Variants in TCIRG1 observed in about 807,000 individuals in gnomAD.
TCIRG1 encodes the protein V-type proton ATPase 116 kDa subunit a 3.
A neutral mutation model predicts 95.5 loss-of-function variants in TCIRG1; 86 were observed. The observed-to-expected ratio is 0.90, with a 90% CI of 0.76 to 1.08. The LOEUF (loss-of-function observed/expected upper bound fraction) is 1.08, where lower values mean the gene tolerates loss of function less well. Ranked by LOEUF, TCIRG1 falls within the 50% of genes least tolerant of loss-of-function variation. The probability of loss-of-function intolerance (pLI) is 0.00; values close to 1 mark genes in which losing one functional copy is unlikely to be tolerated. For missense variants in TCIRG1, 1,069 were observed against 1,140.2 expected (o/e 0.94, Z 0.90); for synonymous variants, 499 against 501.3 (o/e 1.00, Z 0.06).
intron 5 of TCIRG1, 138 bp downstream of exon 5, chr11:68,043,169 A>T: frequency 6.6e-7 from 1 of 1,519,332 alleles, no homozygotes; most frequent in Non-Finnish European, 8.8e-7. Flanking sequence ...CAGGCCCGGA[A>T]CTTCCCACAG....
At chr11:68,048,284 A>ATTTTCTT (rs750755871) in intron 13 of TCIRG1, 10 of 489,102 alleles carry the variant, frequency 2.0e-5, no homozygotes, top group South Asian at 4.5e-5. Flanking sequence ...TGTGGAAGTG[A>ATTTTCTT]TTTTCTTTTT....
chr11:68,048,172 A>G (rs534859304), intron 13 of TCIRG1, 200 bp downstream of exon 13: 2 of 649,354 alleles, frequency 3.1e-6, no homozygotes, highest in South Asian at 3.5e-5. Flanking sequence ...AGGCAAAGCG[A>G]GACCAGCCAG....
At chr11:68,044,681 G>C in intron 9 of TCIRG1, 2 of 590,260 alleles carry the variant, frequency 3.4e-6, no homozygotes, top group South Asian at 4.0e-5. Context: ...CACCCGCCGC[G>C]CACAGCAGGT....
Position 68,045,092 on chromosome 11 carries a change from G to A in TCIRG1, c.1155G>A (p.Glu385=), listed in dbSNP as rs1855412888. ...CCTACGGCGTGGGCCGCTACCAGGA[G>A]GTCAACCCCGGTGAGAGCCACGGCA... ...VDAYGVGRYQ[E]VNPAPYTIIT... Residue 385 remains glutamate, a synonymous_variant, in exon 10 of 20, where the codon GAG becomes GAA. Transcript: ENST00000265686. 2.5e-6 allele frequency: 4 copies of A among 1,601,328 alleles called. No homozygotes were observed. Among genetic ancestry groups the A allele is most frequent in the Non-Finnish European group, 3.4e-6 (4 of 1,179,956 alleles).
rs146209212 is a variant in TCIRG1 at position 68,050,321 on chromosome 11, C to T, written c.2236+67C>T. 496 of 1,594,636 alleles carry T rather than the reference C, an allele frequency of 3.1e-4. 3 individuals carry two copies. The African/African-American group carries it at 5.3e-3, about 17-fold the overall frequency. On this transcript the variant is annotated intron_variant, in intron 18 of 19. Transcript: ENST00000265686. ...TTCTCACATACCGCTGCTGGCTGGGCGGGTTGCTTCTCTCTGGGCCTCAGT... is the reference window on the plus strand; with the variant it reads ...TTCTCACATACCGCTGCTGGCTGGGTGGGTTGCTTCTCTCTGGGCCTCAGT...
At chr11:68,044,906 G>A in intron 9 of TCIRG1, 52 bp from the exon 10 acceptor site, 3 of 1,600,706 alleles carry the variant, frequency 1.9e-6, no homozygotes, top group Non-Finnish European at 2.5e-6. Flanking sequence ...AGATCCCAGG[G>A]TCCCTGAAGG....
In TCIRG1 at chr11:68,049,767, G is replaced by C. The variant is rs1002652738; in HGVS notation, c.1992G>C (p.Arg664=). 6.4e-7 allele frequency: 1 copy of C among 1,574,268 alleles called. No homozygotes were observed. Among genetic ancestry groups the C allele is most frequent in the Admixed American group, 1.8e-5 (1 of 54,822 alleles). ...TGCACCGCCACCGCCGCCGCCTGCG[G>C]AGGAGGCCCGCTGACCGACAGGTGG... is the stretch of plus-strand genomic sequence containing the variant. ...HLLHRHRRRL[R]RRPADRQEEN... is the part of the protein sequence containing the mutation. The change falls in exon 16 of 20, where the codon CGG becomes CGC. Residue 664 remains arginine, a synonymous_variant. Coordinates refer to ENST00000265686, the MANE Select transcript of TCIRG1 (RefSeq NM_006019.4).
At chr11:68,046,575 C>T (rs546169754) in intron 10 of TCIRG1, among the ~76,000 whole-genome samples, 1 of 152,136 alleles carries the variant, frequency 6.6e-6, no homozygotes, top group African/African-American at 2.4e-5. Context: ...CTGTAAGGAC[C>T]CTGTCTCCAA....
At chr11:68,053,721 C>T (rs561254127), downstream of TCIRG1, 54 of 372,274 alleles carry the variant, frequency 1.5e-4, 1 homozygote, top group Non-Finnish European at 2.4e-5. Context: ...AATGCCTTCT[C>T]TAGATTAAAA....
chr11:68,049,157 C>G lies in TCIRG1; in HGVS notation c.1750C>G (p.Leu584Val). ...CTTCCTGCTGGGACTCTTCGGTTAC[C>G]TCGTGTTCCTAGTCATCTACAAGTG... Reference protein sequence around the residue: ...LTFLLGLFGYLVFLVIYKWLC... With the variant: ...LTFLLGLFGYVVFLVIYKWLC... The change falls in exon 15 of 20, where the codon CTC (leucine) becomes GTC (valine). Residue 584 changes from leucine to valine, a missense_variant. Leu to Val is a conservative substitution (Grantham distance 32). Coordinates refer to ENST00000265686, the MANE Select transcript of TCIRG1 (RefSeq NM_006019.4). 1 of 1,613,974 alleles carries G rather than the reference C, an allele frequency of 6.2e-7. No individual in the cohort carries two copies. The highest frequency in any genetic ancestry group is 1.1e-5 in the South Asian group (1 of 91,090).
At chr11:68,043,345 G>T in intron 5 of TCIRG1, 26 bp from the exon 6 acceptor site, 7 of 1,537,408 alleles carry the variant, frequency 4.6e-6, no homozygotes, top group Non-Finnish European at 5.2e-6. Context: ...GGTTGGAGCA[G>T]CCCTGCCCAG....
rs771361774 is a variant in TCIRG1, at chr11:68,049,288, C to G, written c.1881C>G (p.Pro627=). 6 of 1,607,636 alleles carry G rather than the reference C, an allele frequency of 3.7e-6. No homozygotes were observed. The highest frequency in any genetic ancestry group is 4.2e-6 in the Non-Finnish European group (5 of 1,176,562). ...SHSPSNRLLY[P]RQEVVQATLV... ...GCCCCAGCAACAGGCTGCTCTACCCCCGGCAGGTGGGCTGCGGCTGGTGGG... is the reference window on the plus strand; with the variant it reads ...GCCCCAGCAACAGGCTGCTCTACCCGCGGCAGGTGGGCTGCGGCTGGTGGG... Residue 627 remains proline (P), a synonymous_variant, in exon 15 of 20, where the codon CCC becomes CCG. Coordinates refer to ENST00000265686, the MANE Select transcript of TCIRG1 (RefSeq NM_006019.4).
intron 7 of TCIRG1, 21 bp from the exon 8 acceptor site, chr11:68,043,793 C>A: frequency 5.1e-6 from 8 of 1,554,834 alleles, no homozygotes; most frequent in Non-Finnish European, 6.1e-6. Context: ...TGGCCCCTCA[C>A]GCAGCGCATC....
At chr11:68,047,050 G>A (rs559751890) in intron 10 of TCIRG1, 12 of 379,438 alleles carry the variant, frequency 3.2e-5, no homozygotes, top group East Asian at 3.0e-4. Flanking sequence ...TCGCTCTGTC[G>A]CGCAGGCTGG....
Position 68,050,255 on chromosome 11 carries a change from G to A in TCIRG1, c.2236+1G>A, listed in dbSNP as rs1475338876. 19 of 1,612,162 alleles carry A rather than the reference G, an allele frequency of 1.2e-5. No homozygotes were observed. Among genetic ancestry groups the A allele is most frequent in the Admixed American group, 3.3e-5 (2 of 59,998 alleles). ...TGGGCCCTGAGCCTGGCCCACGCCC[G>A]TGAGTGACCTGGCCACCGACGGCTG... is the stretch of plus-strand genomic sequence containing the variant. On this transcript the variant is annotated splice_donor_variant, in intron 18 of 19. Coordinates refer to ENST00000265686, the MANE Select transcript of TCIRG1 (RefSeq NM_006019.4). LOFTEE classifies it high-confidence loss of function.
At chr11:68,045,742 G>A (rs1423822475) in intron 10 of TCIRG1, among the ~76,000 whole-genome samples, 1 of 152,140 alleles carries the variant, frequency 6.6e-6, no homozygotes, top group Admixed American at 6.5e-5. Flanking sequence ...TAGTAGAGAT[G>A]GGGTTTCACC....
In TCIRG1 at chr11:68,041,842, C is replaced by T. The variant is rs765739296; in HGVS notation, c.196+11C>T. 6.9e-6 allele frequency: 11 copies of T among 1,599,552 alleles called. No homozygotes were observed. The East Asian group carries it at 2.5e-4, about 36-fold the overall frequency. ...TGGAGAAGACCTTCAGTGAGTTGGT[C>T]CCAGGCCTACATTCCAGGCAGGCTT... On this transcript the variant is annotated intron_variant, in intron 3 of 19. Coordinates refer to ENST00000265686, the MANE Select transcript of TCIRG1 (RefSeq NM_006019.4).
At chr11:68,046,581 T>C (rs1292413795) in intron 10 of TCIRG1, among the ~76,000 whole-genome samples, 1 of 152,176 alleles carries the variant, frequency 6.6e-6, no homozygotes, top group Non-Finnish European at 1.5e-5. Context: ...GGACCCTGTC[T>C]CCAAAGAAGG....
At position 68,044,379 on chromosome 11, in the gene TCIRG1, G is replaced by A. The variant is rs186946909; in HGVS notation, c.1020+35G>A. ...CTGAGGCCTCGCCCCCTCTCCGCCC[G>A]CCCCTCCTACCAGGCCGGGGCGTTT... On this transcript the variant is annotated intron_variant, in intron 9 of 19. Transcript: ENST00000265686. 2.2e-4 allele frequency: 332 copies of A among 1,508,858 alleles called. No individual in the cohort carries two copies. In the African/African-American group the frequency reaches 3.8e-3, roughly 17 times the overall value. The allele number at this position is 1,508,858 out of a possible 1,614,324, so 93.5% of individuals were successfully genotyped here.
Sources: gnomAD v4.1 joint callset for allele counts (sites outside exome capture counted in the v4.1 genomes callset) on GRCh38, gnomAD v4.1.1 for gene constraint, MANE v1.5 for transcripts, NCBI Gene and HGNC (gene_info 2026-07-23, HGNC 2026-07-21) for gene names.